The following SNAP25 variants were observed in gnomAD, a reference collection of about 807,000 sequenced individuals.
SNAP25 encodes the protein synaptosomal-associated protein 25.
Under a neutral mutation model 28.7 loss-of-function variants are expected in SNAP25, and 3 were observed. That is an observed-to-expected ratio of 0.10 (90% CI 0.05 to 0.27). SNAP25 has a LOEUF of 0.27. Among genes scored for constraint, SNAP25 ranks in the 10% least tolerant of loss-of-function variants. The probability of loss-of-function intolerance (pLI) is 1.00; values close to 1 mark genes in which losing one functional copy is unlikely to be tolerated. For synonymous variants in SNAP25, 61 were observed against 88.1 expected (o/e 0.69, Z 1.72); for missense variants, 117 against 278.7 (o/e 0.42, Z 4.13).
chr20:10,271,336 C>T (rs2063587619), intron 1 of SNAP25, among the ~76,000 whole-genome samples: 1 of 152,192 alleles, frequency 6.6e-6, no homozygotes, highest in African/African-American at 2.4e-5. Flanking sequence ...CAGTAAACAT[C>T]CCAACAGAAG....
At chr20:10,272,518 G>A (rs2063613676) in intron 1 of SNAP25, among the ~76,000 whole-genome samples, 1 of 152,146 alleles carries the variant, frequency 6.6e-6, no homozygotes, top group Non-Finnish European at 1.5e-5. Context: ...TCATTTTTGT[G>A]CATCTTAAGA....
At chr20:10,298,639 T>G (rs2064165130) in intron 6 of SNAP25, among the ~76,000 whole-genome samples, 1 of 152,174 alleles carries the variant, frequency 6.6e-6, no homozygotes, top group Non-Finnish European at 1.5e-5. Flanking sequence ...AAAAAACCCA[T>G]GTTATTAACA....
At chr20:10,291,689 T>C (rs967841493) in intron 4 of SNAP25, among the ~76,000 whole-genome samples, 1 of 152,224 alleles carries the variant, frequency 6.6e-6, no homozygotes, top group Non-Finnish European at 1.5e-5. Context: ...TAATGTGAAA[T>C]TGTGTTTAAG....
chr20:10,227,196 C>A (rs766086043), intron 1 of SNAP25, among the ~76,000 whole-genome samples: 1 of 152,086 alleles, frequency 6.6e-6, no homozygotes, highest in Non-Finnish European at 1.5e-5. Flanking sequence ...AGAAATTCAC[C>A]TCTTACCAAT....
intron 3 of SNAP25, among the ~76,000 whole-genome samples, chr20:10,284,064 T>C (rs947688888): frequency 2.6e-5 from 4 of 152,222 alleles, no homozygotes; most frequent in Non-Finnish European, 5.9e-5. Flanking sequence ...TAGATTATTA[T>C]GCAGAATGTT....
intron 1 of SNAP25, among the ~76,000 whole-genome samples, chr20:10,229,417 A>T (rs2062787809): frequency 6.6e-6 from 1 of 152,082 alleles, no homozygotes. Flanking sequence ...TCATTGTCAA[A>T]ACCTTTAGTT....
intron 1 of SNAP25, among the ~76,000 whole-genome samples, chr20:10,244,734 T>C (rs1486143079): frequency 8.9e-6 from 1 of 111,732 alleles, no homozygotes; most frequent in Non-Finnish European, 1.7e-5. Flanking sequence ...TCTTTCTCTC[T>C]TTTTTTTTTT....
intron 1 of SNAP25, among the ~76,000 whole-genome samples, chr20:10,230,556 A>T (rs2062811644): frequency 6.6e-6 from 1 of 152,054 alleles, no homozygotes; most frequent in Non-Finnish European, 1.5e-5. Flanking sequence ...CCCCACACAG[A>T]CCTACTGAAT....
At chr20:10,235,788 G>A (rs528858351) in intron 1 of SNAP25, among the ~76,000 whole-genome samples, 1 of 152,318 alleles carries the variant, frequency 6.6e-6, no homozygotes, top group South Asian at 2.1e-4. Context: ...GGCATCAGGG[G>A]CTGGACCACA....
chr20:10,239,643 G>A (rs1359396339), intron 1 of SNAP25, among the ~76,000 whole-genome samples: 1 of 152,234 alleles, frequency 6.6e-6, no homozygotes, highest in African/African-American at 2.4e-5. Flanking sequence ...AATGCAGTAG[G>A]TAATCTCAAC....
intron 1 of SNAP25, among the ~76,000 whole-genome samples, chr20:10,221,523 G>A (rs940945307): frequency 6.6e-6 from 1 of 152,126 alleles, no homozygotes; most frequent in Non-Finnish European, 1.5e-5. Flanking sequence ...GATGAGCCAG[G>A]AGTCATTCAC....
Position 10,288,175 on chromosome 20 carries a change from A to T in SNAP25, c.163+3403A>T, listed in dbSNP as rs538928186. On this transcript the variant is annotated intron_variant, in intron 4 of 7. Transcript: ENST00000254976. ...AAAGTATAATAATAATAAAATAAAA[A>T]AATTTAAAAAATAAATAAATAAACA... Among the ~76,000 whole-genome samples, 54 of 152,066 alleles carry T rather than the reference A, an allele frequency of 3.6e-4. No individual in the cohort carries two copies. The East Asian group carries it at 9.4e-3, about 27-fold the overall frequency.
intron 1 of SNAP25, among the ~76,000 whole-genome samples, chr20:10,263,087 C>T (rs1426923165): frequency 7.4e-6 from 1 of 135,426 alleles, no homozygotes; most frequent in Non-Finnish European, 1.5e-5. Context: ...GGCGCAGTCT[C>T]AGCTCACTGC....
intron 4 of SNAP25, among the ~76,000 whole-genome samples, chr20:10,285,651 C>T (rs545819586): frequency 6.6e-6 from 1 of 151,910 alleles, no homozygotes; most frequent in Admixed American, 6.5e-5. Context: ...ACACAGGAAA[C>T]CTTAAATAAA....
chr20:10,293,957 T>C lies in SNAP25; in HGVS notation c.281+679T>C, dbSNP rs2064051460. On this transcript the variant is annotated intron_variant, in intron 5 of 7. Transcript: ENST00000254976. The surrounding 1 kb of genome is among the most constrained non-coding windows in gnomAD (Gnocchi z 5.6). ...ATGTGTAGATTTTGCATGCACAACA[T>C]CACAAAACATTCAACTGTTCTCAAG... Among the ~76,000 whole-genome samples the C allele has an allele frequency of 6.6e-6, 1 of 151,398 alleles. No individual in the cohort carries two copies. Among genetic ancestry groups the C allele is most frequent in the Non-Finnish European group, 1.5e-5 (1 of 67,746 alleles).
intron 1 of SNAP25, among the ~76,000 whole-genome samples, chr20:10,221,165 G>A (rs370171448): frequency 1.3e-5 from 2 of 152,166 alleles, no homozygotes; most frequent in Non-Finnish European, 2.9e-5. Context: ...GCGTAGTTGC[G>A]TCAAATGAAA....
intron 1 of SNAP25, among the ~76,000 whole-genome samples, chr20:10,257,541 C>T (rs772224649): frequency 2.6e-5 from 4 of 152,118 alleles, no homozygotes; most frequent in African/African-American, 4.8e-5. Flanking sequence ...GGAGAAACCC[C>T]GTCTCTACTA....
Position 10,298,891 on chromosome 20 carries a change from AAAG to A in SNAP25, c.408-371_408-369del, listed in dbSNP as rs577588008. 2.3e-3 allele frequency among the ~76,000 whole-genome samples: 343 copies of A among 152,328 alleles called. 2 individuals carry two copies. The highest frequency in any genetic ancestry group is 4.2e-3 in the Non-Finnish European group (283 of 68,038). ...TTAGAAATATTAAGAATATTCTTAG[AAAG>A]AAGAATATCGTTTCTAATTCCATCT... On this transcript the variant is annotated intron_variant, in intron 6 of 7. Coordinates refer to ENST00000254976, the MANE Select transcript of SNAP25 (RefSeq NM_130811.4).
chr20:10,287,539 G>C (rs1171869012), intron 4 of SNAP25, among the ~76,000 whole-genome samples: 1 of 139,608 alleles, frequency 7.2e-6, no homozygotes, highest in African/African-American at 2.8e-5. Context: ...GGAGAAATAG[G>C]AACACTTTTA....
Sources: gnomAD v4.1 joint callset for allele counts (sites outside exome capture counted in the v4.1 genomes callset) on GRCh38, gnomAD v4.1.1 for gene constraint, Gnocchi (gnomAD v3.1) non-coding constraint, MANE v1.5 for transcripts, NCBI Gene and HGNC (gene_info 2026-07-23, HGNC 2026-07-21) for gene names.